The following GKAP1 variants were observed in gnomAD, a reference collection of about 807,000 sequenced individuals.
GKAP1 encodes G kinase anchoring protein 1.
In GKAP1, 31 loss-of-function variants were observed where a neutral mutation model predicts 56.7. That is an observed-to-expected ratio of 0.55 (90% CI 0.41 to 0.74). GKAP1 has a LOEUF of 0.74. Ranked by LOEUF, GKAP1 falls within the 30% of genes least tolerant of loss-of-function variation. The pLI, the probability that GKAP1 is intolerant of heterozygous loss-of-function variation, is 0.00. For missense variants in GKAP1, 364 were observed against 402.3 expected (o/e 0.90, Z 0.82); for synonymous variants, 151 against 138.6 (o/e 1.09, Z -0.63).
At chr9:83,812,867 T>G (rs1230032174) in intron 2 of GKAP1, among the ~76,000 whole-genome samples, 1 of 152,178 alleles carries the variant, frequency 6.6e-6, no homozygotes, top group Non-Finnish European at 1.5e-5. Context: ...AGAGCAACTA[T>G]CGAAGACTAA....
intron 2 of GKAP1, among the ~76,000 whole-genome samples, chr9:83,812,590 T>C (rs1326200849): frequency 6.7e-6 from 1 of 149,892 alleles, no homozygotes. Flanking sequence ...TCCTCCTACC[T>C]CAGCCTCCCA....
intron 6 of GKAP1, among the ~76,000 whole-genome samples, chr9:83,782,300 A>T (rs1434615043): frequency 6.6e-6 from 1 of 151,290 alleles, no homozygotes. Flanking sequence ...GGTATGGTCC[A>T]CTGCATCCAG....
intron 7 of GKAP1, among the ~76,000 whole-genome samples, chr9:83,775,954 AAC>A (rs968673528): frequency 2.6e-5 from 4 of 152,014 alleles, no homozygotes; most frequent in Admixed American, 6.6e-5. Context: ...AAAGCTAATT[AAC>A]AGTTTATAAG....
At chr9:83,754,410 TACTC>T (rs1471187013) in intron 8 of GKAP1, among the ~76,000 whole-genome samples, 5 of 152,216 alleles carry the variant, frequency 3.3e-5, no homozygotes, top group African/African-American at 4.8e-5. Flanking sequence ...ACTCTACAAA[TACTC>T]ACTGAGCATC....
chr9:83,817,592 C>A lies in GKAP1; in HGVS notation c.-251G>T, dbSNP rs1381701716. ...GCCGCCTCTCCCGCGGCTCCCCGGGCGGCCGCACTGGGCGTTGGGACTGGT... is the reference window on the plus strand; with the variant it reads ...GCCGCCTCTCCCGCGGCTCCCCGGGAGGCCGCACTGGGCGTTGGGACTGGT... On this transcript the variant is annotated 5_prime_UTR_variant, in exon 1 of 13. Coordinates refer to ENST00000376371, the MANE Select transcript of GKAP1 (RefSeq NM_025211.4). 6.6e-6 allele frequency: 1 copy of A among 151,782 alleles called. No individual in the cohort carries two copies. Among genetic ancestry groups the A allele is most frequent in the African/African-American group, 2.4e-5 (1 of 41,344 alleles). The allele number at this position is 151,782 out of a possible 1,614,324, so 9.4% of individuals were successfully genotyped here.
At chr9:83,815,756 G>T (rs184362474) in intron 2 of GKAP1, among the ~76,000 whole-genome samples, 1 of 152,124 alleles carries the variant, frequency 6.6e-6, no homozygotes, top group Non-Finnish European at 1.5e-5. Flanking sequence ...ATATAACTTA[G>T]ATCGAAATTA....
At chr9:83,801,393 T>A (rs1169762858) in intron 3 of GKAP1, among the ~76,000 whole-genome samples, 4 of 120,900 alleles carry the variant, frequency 3.3e-5, no homozygotes, top group African/African-American at 1.4e-4. Context: ...CCACCAAGTT[T>A]GTGTTTTTTT....
intron 3 of GKAP1, among the ~76,000 whole-genome samples, chr9:83,805,337 C>T (rs1180459156): frequency 1.3e-5 from 2 of 152,038 alleles, no homozygotes; most frequent in African/African-American, 2.4e-5. Context: ...TGCGGAAGGC[C>T]GCAGGGTCCT....
At chr9:83,740,817 A>C (rs1343514447) in intron 12 of GKAP1, among the ~76,000 whole-genome samples, 3 of 152,164 alleles carry the variant, frequency 2.0e-5, no homozygotes, top group African/African-American at 7.2e-5. Context: ...TAATGATGGC[A>C]GTTTCTCTTT....
At chr9:83,748,621 C>G (rs1347231604) in intron 9 of GKAP1, 1 of 237,982 alleles carries the variant, frequency 4.2e-6, no homozygotes, top group Non-Finnish European at 8.0e-6. Flanking sequence ...GGAGAAAACT[C>G]AAGATAATAC....
intron 8 of GKAP1, among the ~76,000 whole-genome samples, chr9:83,761,868 A>G (rs1308307406): frequency 6.6e-6 from 1 of 152,240 alleles, no homozygotes; most frequent in African/African-American, 2.4e-5. Flanking sequence ...CTTCATGATA[A>G]AAACCTTCAA....
chr9:83,749,271 G>T (rs1357386199), intron 9 of GKAP1: 1 of 146,672 alleles, frequency 6.8e-6, no homozygotes, highest in African/African-American at 2.5e-5. Flanking sequence ...CTGTCGCCCA[G>T]GCTGGAGTGC....
intron 2 of GKAP1, among the ~76,000 whole-genome samples, chr9:83,807,501 C>G (rs1944455676): frequency 6.6e-6 from 1 of 152,162 alleles, no homozygotes; most frequent in Non-Finnish European, 1.5e-5. Flanking sequence ...CAGGTAAAAA[C>G]TGAATATTCA....
chr9:83,800,069 T>C (rs1944306594), intron 3 of GKAP1, among the ~76,000 whole-genome samples: 1 of 152,194 alleles, frequency 6.6e-6, no homozygotes, highest in African/African-American at 2.4e-5. Context: ...ACAACTACTT[T>C]GCTAGTCCTG....
intron 6 of GKAP1, among the ~76,000 whole-genome samples, chr9:83,780,732 G>T (rs1943957800): frequency 6.6e-6 from 1 of 152,062 alleles, no homozygotes; most frequent in Admixed American, 6.6e-5. Flanking sequence ...TGGGAGGTGG[G>T]GGGAGCAAGT....
Position 83,799,287 on chromosome 9 carries a change from G to A in GKAP1, c.258C>T (p.Ser86=). 1.3e-6 allele frequency: 2 copies of A among 1,599,376 alleles called. No individual in the cohort carries two copies. Among genetic ancestry groups the A allele is most frequent in the Non-Finnish European group, 1.7e-6 (2 of 1,175,580 alleles). ...LAFKKIPQKS[S]HAVCNAQHDL... ...CATGTTGAGCGTTACAAACAGCATG[G>A]GAGGATTTCTGGGGAATTTTCTTAA... The change falls in exon 4 of 13, where the codon TCC becomes TCT. Residue 86 remains serine, a synonymous_variant. Transcript: ENST00000376371.
At chr9:83,811,476 G>A (rs1384447117) in intron 2 of GKAP1, among the ~76,000 whole-genome samples, 1 of 152,178 alleles carries the variant, frequency 6.6e-6, no homozygotes, top group Non-Finnish European at 1.5e-5. Context: ...ATGAAAAGAA[G>A]TAACAAAACA....
intron 10 of GKAP1, among the ~76,000 whole-genome samples, chr9:83,744,813 A>G (rs969096103): frequency 1.1e-4 from 16 of 152,206 alleles, no homozygotes; most frequent in African/African-American, 3.1e-4. Context: ...GGGAGGCCTC[A>G]GGAAACTTAC....
chr9:83,780,100 T>G (rs75515891), intron 7 of GKAP1, among the ~76,000 whole-genome samples: 4 of 152,202 alleles, frequency 2.6e-5, no homozygotes, highest in African/African-American at 9.6e-5. Context: ...GATTTTAAGC[T>G]TGGCACACAC....
Sources: allele counts gnomAD v4.1 joint callset (sites outside exome capture counted in the v4.1 genomes callset), GRCh38; gene constraint gnomAD v4.1.1; transcripts MANE v1.5; gene names NCBI Gene and HGNC (gene_info 2026-07-23, HGNC 2026-07-21).